Variants in PCID2 observed in about 807,000 individuals in gnomAD.
The protein encoded by PCID2 is PCI domain containing 2.
Under a neutral mutation model 61.3 loss-of-function variants are expected in PCID2, and 41 were observed. The observed-to-expected ratio is 0.67, with a 90% CI of 0.52 to 0.87. The LOEUF (loss-of-function observed/expected upper bound fraction) is 0.87, where lower values mean the gene tolerates loss of function less well. Ranked by LOEUF, PCID2 falls within the 40% of genes least tolerant of loss-of-function variation. The probability of loss-of-function intolerance (pLI) is 0.00; values close to 1 mark genes in which losing one functional copy is unlikely to be tolerated. For synonymous variants in PCID2, 187 were observed against 177.8 expected (o/e 1.05, Z -0.41); for missense variants, 392 against 493.4 (o/e 0.79, Z 1.95).
downstream of PCID2, among the ~76,000 whole-genome samples, chr13:113,172,735 T>C (rs1261052228): frequency 4.6e-5 from 7 of 152,174 alleles, no homozygotes; most frequent in Non-Finnish European, 7.3e-5. Flanking sequence ...CTGGGAGGGT[T>C]CCCACGGAAG....
At chr13:113,172,264 T>G in the PCID2 span, 1 of 1,009,924 alleles carries the variant, frequency 9.9e-7, no homozygotes, top group East Asian at 2.6e-5. Context: ...CGCCGTTTGC[T>G]GGGTTGTTTA....
intron 7 of PCID2, chr13:113,186,501 G>C (rs1304819952): frequency 6.6e-6 from 1 of 150,816 alleles, no homozygotes; most frequent in Non-Finnish European, 1.5e-5. Flanking sequence ...TGTGAGATGG[G>C]GCCCTACGGA....
chr13:113,208,399 C>T (rs2040110446), intron 1 of PCID2, 200 bp downstream of exon 1: 2 of 1,453,634 alleles, frequency 1.4e-6, no homozygotes, highest in Non-Finnish European at 1.8e-6. Context: ...CCCACGGCGG[C>T]CCTGCAGGGG....
chr13:113,207,988 A>C (rs1029487237), intron 1 of PCID2: 7 of 1,566,764 alleles, frequency 4.5e-6, no homozygotes, highest in Non-Finnish European at 6.2e-6. Context: ...GAATCTTTAC[A>C]AGTGTCCATC....
intron 8 of PCID2, 77 bp from the exon 9 acceptor site, chr13:113,184,564 T>C: frequency 1.3e-6 from 1 of 798,674 alleles, no homozygotes; most frequent in South Asian, 1.5e-5. Context: ...TAAGCATGTC[T>C]CCTTAAAATG....
chr13:113,182,151 A>G (rs2037695545), intron 9 of PCID2, among the ~76,000 whole-genome samples: 2 of 152,244 alleles, frequency 1.3e-5, no homozygotes, highest in Non-Finnish European at 2.9e-5. Context: ...TCCCTTATGC[A>G]GAATGGGTCA....
chr13:113,187,155 G>A (rs2038189486), intron 7 of PCID2: 1 of 152,142 alleles, frequency 6.6e-6, no homozygotes, highest in Admixed American at 6.5e-5. Flanking sequence ...ACTTCAAAGA[G>A]CTATGGAAAA....
At chr13:113,171,877 G>A in the PCID2 span, 4 of 1,613,730 alleles carry the variant, frequency 2.5e-6, no homozygotes, top group Non-Finnish European at 1.7e-6. This position sits in a 1 kb window ranked among gnomAD's most constrained non-coding sequence, Gnocchi z 5.1. Context: ...TGGAGGGGGA[G>A]GAGTGCGGGC....
chr13:113,196,930 T>G, intron 4 of PCID2: 5 of 981,204 alleles, frequency 5.1e-6, no homozygotes, highest in Non-Finnish European at 8.2e-6. Context: ...GCATTCTTCT[T>G]CTCAGCAGAG....
intron 8 of PCID2, among the ~76,000 whole-genome samples, chr13:113,185,277 T>C (rs749548714): frequency 6.6e-6 from 1 of 152,236 alleles, no homozygotes; most frequent in Non-Finnish European, 1.5e-5. Context: ...AGAGGGCTGA[T>C]TGTCAACAGG....
intron 6 of PCID2, among the ~76,000 whole-genome samples, chr13:113,193,856 A>G (rs2038801703): frequency 6.6e-6 from 1 of 152,184 alleles, no homozygotes; most frequent in Non-Finnish European, 1.5e-5. Flanking sequence ...CTTGTCACAT[A>G]ATTCCAACAT....
At chr13:113,195,980 A>C (rs557977046) in intron 5 of PCID2, among the ~76,000 whole-genome samples, 2 of 152,386 alleles carry the variant, frequency 1.3e-5, no homozygotes, top group African/African-American at 4.8e-5. Flanking sequence ...GACACACTGC[A>C]AACAATGTGG....
Position 113,201,324 on chromosome 13 carries a change from G to A in PCID2, c.37-808C>T, listed in dbSNP as rs567820510. On this transcript the variant is annotated intron_variant, in intron 1 of 13. Transcript: ENST00000337344. Reference sequence around the variant, plus strand: ...AGGAAAACTGTATAACTTGATTTGGGAGAAAAAAGAAGAGAAAAATTACGT... The same window carrying A: ...AGGAAAACTGTATAACTTGATTTGGAAGAAAAAAGAAGAGAAAAATTACGT... Among the ~76,000 whole-genome samples, 84 of 152,190 alleles carry A rather than the reference G, an allele frequency of 5.5e-4. 2 individuals carry two copies. The South Asian group carries it at 0.016, about 30-fold the overall frequency.
intron 1 of PCID2, among the ~76,000 whole-genome samples, chr13:113,204,436 G>A (rs927763836): frequency 6.6e-6 from 1 of 152,188 alleles, no homozygotes; most frequent in East Asian, 1.9e-4. Flanking sequence ...AGACACCGGG[G>A]CCCTCCAAGG....
intron 1 of PCID2, among the ~76,000 whole-genome samples, chr13:113,207,252 T>C (rs1037777795): frequency 1.3e-5 from 2 of 152,236 alleles, no homozygotes; most frequent in Non-Finnish European, 2.9e-5. Context: ...CAATGAAATA[T>C]GAATGCAAAA....
intron 6 of PCID2, among the ~76,000 whole-genome samples, chr13:113,194,175 C>T (rs1436685484): frequency 6.6e-6 from 1 of 152,138 alleles, no homozygotes; most frequent in Non-Finnish European, 1.5e-5. Flanking sequence ...TGGGCCACCC[C>T]CAGTCCGCAC....
intron 6 of PCID2, among the ~76,000 whole-genome samples, chr13:113,192,530 A>G (rs2038701626): frequency 6.6e-6 from 1 of 152,206 alleles, no homozygotes; most frequent in African/African-American, 2.4e-5. Context: ...GAATAGAACA[A>G]ATCTGTCACT....
chr13:113,200,113 A>G (rs2039306345), intron 2 of PCID2, among the ~76,000 whole-genome samples: 1 of 152,148 alleles, frequency 6.6e-6, no homozygotes, highest in Non-Finnish European at 1.5e-5. Flanking sequence ...CATGACGTCT[A>G]TGGGGCTTTG....
rs566108449 is a variant in PCID2 at position 113,203,639 on chromosome 13, C to A, written c.37-3123G>T. Among the ~76,000 whole-genome samples, 5 of 152,320 alleles carry A rather than the reference C, an allele frequency of 3.3e-5. 1 individual carries two copies. The highest frequency in any genetic ancestry group is 6.8e-3 in the Middle Eastern group (2 of 294). Reference sequence around the variant, plus strand: ...TGCCCATCCTCTGCAGGAGGCTTTCCGGTGTCCCCTGCCCACGCCCTGCAA... The same window carrying A: ...TGCCCATCCTCTGCAGGAGGCTTTCAGGTGTCCCCTGCCCACGCCCTGCAA... On this transcript the variant is annotated intron_variant, in intron 1 of 13. Transcript: ENST00000337344.
Sources: allele counts gnomAD v4.1 joint callset (sites outside exome capture counted in the v4.1 genomes callset), GRCh38; gene constraint gnomAD v4.1.1; non-coding constraint Gnocchi (gnomAD v3.1); transcripts MANE v1.5; gene names NCBI Gene and HGNC (gene_info 2026-07-23, HGNC 2026-07-21).